The following NDUFB5 variants were observed in gnomAD, a reference collection of about 807,000 sequenced individuals.
NDUFB5 encodes the protein NADH:ubiquinone oxidoreductase subunit B5, also known as NADH dehydrogenase [ubiquinone] 1 beta subcomplex subunit 5, mitochondrial.
Under a neutral mutation model 19.4 loss-of-function variants are expected in NDUFB5, and 19 were observed. The ratio of observed to expected loss-of-function variants is 0.98; its 90% CI spans 0.68 to 1.43. The LOEUF (loss-of-function observed/expected upper bound fraction) is 1.43, where lower values mean the gene tolerates loss of function less well. Ranked by LOEUF, NDUFB5 falls within the 40% of genes most tolerant of loss-of-function variation. The pLI is 0.00. For missense variants in NDUFB5, 233 were observed against 236.5 expected, an observed-to-expected ratio of 0.99 and a Z score of 0.10; for synonymous variants, 80 against 82.6, an observed-to-expected ratio of 0.97 and a Z score of 0.17.
intron 5 of NDUFB5, among the ~76,000 whole-genome samples, chr3:179,621,788 A>T (rs916504943): frequency 1.2e-4 from 18 of 151,910 alleles, no homozygotes; most frequent in Non-Finnish European, 8.8e-5. Flanking sequence ...GCCGCTAATA[A>T]ATTTTTGAGT....
chr3:179,607,283 G>T (rs1719130118), intron 1 of NDUFB5, among the ~76,000 whole-genome samples: 1 of 152,158 alleles, frequency 6.6e-6, no homozygotes, highest in African/African-American at 2.4e-5. Context: ...CTCTTACATG[G>T]TTGTTTATAT....
At position 179,625,577 on chromosome 3, in the gene NDUFB5, A is replaced by G. The variant is rs1041836769; in HGVS notation, c.*1537A>G. On this transcript the variant is annotated 3_prime_UTR_variant, in exon 6 of 6. Coordinates refer to ENST00000259037, the MANE Select transcript of NDUFB5 (RefSeq NM_002492.4). The stretch of plus-strand genomic sequence containing the variant: ...AAGATATAGCAAGTTAGAAGTATAT[A>G]TAAGTATATTATTATATGTTATTGT... 1.3e-5 allele frequency: 2 copies of G among 152,168 alleles called. No individual in the cohort carries two copies. The highest frequency in any genetic ancestry group is 6.5e-5 in the Admixed American group (1 of 15,276). The allele number at this position is 152,168 out of a possible 1,614,324, so 9.4% of individuals were successfully genotyped here. A position where few individuals can be genotyped will look rare whatever the true frequency, so the allele number is the denominator to read the frequency against.
Position 179,620,784 on chromosome 3 carries a change from T to G in NDUFB5, c.449+2263T>G, listed in dbSNP as rs189864633. Among the ~76,000 whole-genome samples the G allele has an allele frequency of 1.2e-4, 19 of 152,330 alleles. No homozygotes were observed. In the East Asian group the frequency reaches 2.1e-3, roughly 17 times the overall value. On this transcript the variant is annotated intron_variant, in intron 5 of 5. Transcript: ENST00000259037. ...ATTTTCCCCCATATTGTTTGCATAT[T>G]TATGTAACATATCTGGAAAATAAAT...
At chr3:179,620,054 T>C (rs1330894546) in intron 5 of NDUFB5, among the ~76,000 whole-genome samples, 1 of 152,234 alleles carries the variant, frequency 6.6e-6, no homozygotes, top group Non-Finnish European at 1.5e-5. Context: ...TGTTTGTTTT[T>C]TTCTTGTAAA....
In NDUFB5 at chr3:179,606,912, C is replaced by A. The variant is rs552778383; in HGVS notation, c.124+1973C>A. On this transcript the variant is annotated intron_variant, in intron 1 of 5. Transcript: ENST00000259037. ...AGAACCAGTGGTATTTAACAAATTT[C>A]CAGCAGGAATTTGAACTTGTTACAA... Among the ~76,000 whole-genome samples, 23 of 152,332 alleles carry A rather than the reference C, an allele frequency of 1.5e-4. No homozygotes were observed. The South Asian group carries it at 4.6e-3, about 30-fold the overall frequency.
rs1042034449 is a variant in NDUFB5, at chr3:179,625,507, T to C, written c.*1467T>C. On this transcript the variant is annotated 3_prime_UTR_variant, in exon 6 of 6. Coordinates refer to ENST00000259037, the MANE Select transcript of NDUFB5 (RefSeq NM_002492.4). The stretch of plus-strand genomic sequence containing the variant: ...AAAGTATAATGGTCAAATCAGGGTA[T>C]TTGAATATACATATATTTCAAAATA... 3.3e-5 allele frequency: 5 copies of C among 152,186 alleles called. No homozygotes were observed. The highest frequency in any genetic ancestry group is 1.2e-4 in the African/African-American group (5 of 41,454). 9.4% of individuals were successfully genotyped at this position (152,186 alleles called of 1,614,324 possible). A position where few individuals can be genotyped will look rare whatever the true frequency, so the allele number is the denominator to read the frequency against.
intron 1 of NDUFB5, among the ~76,000 whole-genome samples, chr3:179,606,323 G>A (rs548321555): frequency 1.3e-5 from 2 of 152,148 alleles, no homozygotes; most frequent in African/African-American, 4.8e-5. Flanking sequence ...CACCTGTTAC[G>A]TGTCAAGCAT....
chr3:179,621,497 T>C (rs1426559609), intron 5 of NDUFB5, among the ~76,000 whole-genome samples: 1 of 111,380 alleles, frequency 9.0e-6, no homozygotes, highest in East Asian at 2.6e-4. Flanking sequence ...TTTCTTTTTC[T>C]TTTTTTTTTT....
At chr3:179,612,691 T>C (rs2108395913) in intron 1 of NDUFB5, among the ~76,000 whole-genome samples, 1 of 151,946 alleles carries the variant, frequency 6.6e-6, no homozygotes. Context: ...TTAGCCAGGT[T>C]GGTCTCAATC....
chr3:179,606,907 A>G (rs375193440), intron 1 of NDUFB5, among the ~76,000 whole-genome samples: 2 of 152,230 alleles, frequency 1.3e-5, no homozygotes, highest in South Asian at 2.1e-4. Context: ...GTATTTAACA[A>G]ATTTCCAGCA....
chr3:179,617,622 C>G (rs1234931986), intron 4 of NDUFB5, among the ~76,000 whole-genome samples: 1 of 152,100 alleles, frequency 6.6e-6, no homozygotes, highest in Non-Finnish European at 1.5e-5. Context: ...AAGTTCAATG[C>G]CTTAGGAGAG....
intron 4 of NDUFB5, 155 bp downstream of exon 4, chr3:179,617,199 G>A (rs191394582): frequency 2.0e-5 from 10 of 493,218 alleles, no homozygotes; most frequent in Middle Eastern, 7.4e-4. Flanking sequence ...GTGCAGTGGC[G>A]CGATTTCAGC....
At position 179,626,541 on chromosome 3, in the gene NDUFB5, A is replaced by T. The variant is rs112681124; in HGVS notation, c.*2501A>T. 12,517 of 151,458 alleles carry T rather than the reference A, an allele frequency of 0.083. 1,155 individuals are homozygous for T. The highest frequency in any genetic ancestry group is 0.22 in the African/African-American group (9,073 of 41,090). The allele number at this position is 151,458 out of a possible 1,614,324, so 9.4% of individuals were successfully genotyped here. A position where few individuals can be genotyped will look rare whatever the true frequency, so the allele number is the denominator to read the frequency against. Reference sequence around the variant, plus strand: ...CGTGCCTGGCCTTTTTGTCCATTTTATTTTTTTGAGATGGAGTCTTGCTGT... The same window carrying T: ...CGTGCCTGGCCTTTTTGTCCATTTTTTTTTTTTGAGATGGAGTCTTGCTGT... On this transcript the variant is annotated 3_prime_UTR_variant, in exon 6 of 6. Transcript: ENST00000259037.
intron 5 of NDUFB5, among the ~76,000 whole-genome samples, chr3:179,619,454 G>A (rs911198263): frequency 1.3e-5 from 2 of 151,362 alleles, no homozygotes; most frequent in African/African-American, 4.9e-5. Flanking sequence ...TGCAGTGTTT[G>A]GTTTTTTGTC....
At chr3:179,622,982 G>A (rs1015070097) in intron 5 of NDUFB5, among the ~76,000 whole-genome samples, 1 of 152,218 alleles carries the variant, frequency 6.6e-6, no homozygotes, top group African/African-American at 2.4e-5. Context: ...ACAAGGACAA[G>A]TAAGTAGATG....
At chr3:179,618,597 T>C in intron 5 of NDUFB5, 76 bp downstream of exon 5, 1 of 969,984 alleles carries the variant, frequency 1.0e-6, no homozygotes, top group Non-Finnish European at 1.6e-6. Flanking sequence ...TTAATAAAAC[T>C]ATGAATATTT....
chr3:179,615,366 T>G (rs1448599096), intron 2 of NDUFB5: 7 of 256,124 alleles, frequency 2.7e-5, no homozygotes, highest in Non-Finnish European at 5.5e-5. Flanking sequence ...ATTCTTTAAA[T>G]TACCAAAGAA....
At chr3:179,612,629 A>T (rs946913932) in intron 1 of NDUFB5, among the ~76,000 whole-genome samples, 1 of 150,880 alleles carries the variant, frequency 6.6e-6, no homozygotes, top group Non-Finnish European at 1.5e-5. Context: ...GGCGCCTGCC[A>T]CCACACCCGG....
At chr3:179,621,639 G>A (rs749775531) in intron 5 of NDUFB5, among the ~76,000 whole-genome samples, 16 of 151,540 alleles carry the variant, frequency 1.1e-4, no homozygotes, top group African/African-American at 1.7e-4. Flanking sequence ...ACAGGCGCCC[G>A]CCACCACACC....
Sources: gnomAD v4.1 joint callset for allele counts (sites outside exome capture counted in the v4.1 genomes callset) on GRCh38, gnomAD v4.1.1 for gene constraint, MANE v1.5 for transcripts, NCBI Gene and HGNC (gene_info 2026-07-23, HGNC 2026-07-21) for gene names.